The following ZNF532 variants were observed in gnomAD, a reference collection of about 807,000 sequenced individuals.
The protein encoded by ZNF532 is zinc finger protein 532.
In ZNF532, 22 loss-of-function variants were observed where a neutral mutation model predicts 89.3. The observed-to-expected ratio is 0.25, with a 90% confidence interval of 0.18 to 0.35. The LOEUF is 0.35. Ranked by LOEUF, ZNF532 falls within the 10% of genes least tolerant of loss-of-function variation. ZNF532 has a pLI of 1.00. For synonymous variants in ZNF532, 606 were observed against 649.6 expected, an observed-to-expected ratio of 0.93 and a Z score of 1.02; for missense variants, 1,132 against 1,643.4, an observed-to-expected ratio of 0.69 and a Z score of 5.38.
chr18:58,934,885 TTTGACTGTACCC>T (rs1450331543), intron 4 of ZNF532, among the ~76,000 whole-genome samples: 1 of 152,160 alleles, frequency 6.6e-6, no homozygotes, highest in Non-Finnish European at 1.5e-5. Context: ...GACTGTCAGC[TTTGACTGTACCC>T]TTTGTAGCAG....
chr18:58,962,167 G>A (rs910472958), intron 7 of ZNF532, among the ~76,000 whole-genome samples: 3 of 151,862 alleles, frequency 2.0e-5, no homozygotes, highest in East Asian at 1.9e-4. Context: ...TGAAGGTTGC[G>A]GTGAGCCGAG....
rs1356153650 is a variant in ZNF532, at chr18:58,984,945, AAC to A, written c.*482_*483del. Reference sequence around the variant, plus strand: ...ATTGTAAGTAATTGTGGGTCTCAAAAACACTAGGAACTTTTAAGTGTCTTAGC... The same window carrying A: ...ATTGTAAGTAATTGTGGGTCTCAAAAACTAGGAACTTTTAAGTGTCTTAGC... On this transcript the variant is annotated 3_prime_UTR_variant, in exon 10 of 10. Coordinates refer to ENST00000591808, the MANE Select transcript of ZNF532 (RefSeq NM_001375912.1). The A allele has an allele frequency of 9.9e-5, 16 of 161,026 alleles. No individual in the cohort carries two copies. Among genetic ancestry groups the A allele is most frequent in the African/African-American group, 3.4e-4 (14 of 41,482 alleles). The allele number at this position is 161,026 out of a possible 1,614,324, so 10.0% of individuals were successfully genotyped here.
In ZNF532 at chr18:58,891,285, T is replaced by A. The variant is rs540510618; in HGVS notation, c.-18+25706T>A. The stretch of plus-strand genomic sequence containing the variant: ...TGGCTCACGCCTGTAATCCCAGCAC[T>A]TTCGGAGGCTGAGGTGGGTAGATCA... On this transcript the variant is annotated intron_variant, in intron 2 of 9. Coordinates refer to ENST00000591808, the MANE Select transcript of ZNF532 (RefSeq NM_001375912.1). Among the ~76,000 whole-genome samples the A allele has an allele frequency of 1.7e-4, 26 of 152,154 alleles. 1 individual carries two copies. Among genetic ancestry groups the A allele is most frequent in the Admixed American group, 1.4e-3 (21 of 15,294 alleles).
chr18:58,876,619 C>T (rs1483201704), intron 2 of ZNF532, among the ~76,000 whole-genome samples: 1 of 152,204 alleles, frequency 6.6e-6, no homozygotes, highest in African/African-American at 2.4e-5. Flanking sequence ...TTCTGCATTA[C>T]TCCACCTTTG....
At chr18:58,934,697 T>C in intron 4 of ZNF532, 83 bp downstream of exon 4, 1 of 1,384,058 alleles carries the variant, frequency 7.2e-7, no homozygotes, top group East Asian at 2.3e-5. Flanking sequence ...CACACACAGT[T>C]TTCTGGGTCA....
chr18:58,939,381 G>A, intron 4 of ZNF532, 64 bp from the exon 5 acceptor site: 2 of 1,440,118 alleles, frequency 1.4e-6, no homozygotes, highest in East Asian at 2.4e-5. Flanking sequence ...ATCTCACCCA[G>A]TTTTTGCAGT....
chr18:58,984,402 C>A lies in ZNF532; in HGVS notation c.3842C>A (p.Thr1281Asn). 6.2e-7 allele frequency: 1 copy of A among 1,612,024 alleles called. No homozygotes were observed. Among genetic ancestry groups the A allele is most frequent in the South Asian group, 1.1e-5 (1 of 90,988 alleles). Residue 1281 changes from threonine (T) to asparagine (N), a missense_variant, in exon 10 of 10, where the codon ACT becomes AAT. Physicochemically the swap from Thr to Asn is moderately conservative, Grantham distance 65. Transcript: ENST00000591808. ...KTFETEAALN[T>N]HMRTHGMAFI... ...TTTGAAACTGAAGCTGCCTTAAATA[C>A]TCACATGCGGACACACGGCATGGCC...
intron 2 of ZNF532, among the ~76,000 whole-genome samples, chr18:58,868,114 G>A (rs940514599): frequency 6.6e-6 from 1 of 152,120 alleles, no homozygotes; most frequent in Non-Finnish European, 1.5e-5. Flanking sequence ...AACCTTTACC[G>A]TATCCTTGGT....
intron 9 of ZNF532, 129 bp from the exon 10 acceptor site, chr18:58,983,843 T>TA (rs2068132357): frequency 8.3e-7 from 1 of 1,198,812 alleles, no homozygotes. Flanking sequence ...GACACAGCTT[T>TA]AAAGCCCCTA....
chr18:58,936,027 T>C (rs1439304771), intron 4 of ZNF532, among the ~76,000 whole-genome samples: 2 of 152,210 alleles, frequency 1.3e-5, no homozygotes, highest in African/African-American at 4.8e-5. Context: ...GCCTCCAAAC[T>C]TGTAATGCAC....
At chr18:58,941,884 T>TCTTCCTTCCTTTTCCTTCCTTC (rs2063077068) in intron 5 of ZNF532, among the ~76,000 whole-genome samples, 5 of 142,132 alleles carry the variant, frequency 3.5e-5, no homozygotes, top group Admixed American at 3.4e-4. Context: ...TTTCCATCTT[T>TCTTCCTTCCTTTTCCTTCCTTC]CTTCCTTCCT....
chr18:58,960,042 G>A (rs1436959459), intron 7 of ZNF532, among the ~76,000 whole-genome samples: 1 of 152,092 alleles, frequency 6.6e-6, no homozygotes, highest in Non-Finnish European at 1.5e-5. Flanking sequence ...AGGTTCAAGC[G>A]ATTCTCCTGC....
chr18:58,887,694 CG>C (rs2058399268), intron 2 of ZNF532, among the ~76,000 whole-genome samples: 1 of 152,118 alleles, frequency 6.6e-6, no homozygotes, highest in African/African-American at 2.4e-5. Context: ...AGAACCCCCA[CG>C]CTCACAGGAG....
intron 2 of ZNF532, among the ~76,000 whole-genome samples, chr18:58,885,057 C>T (rs777471301): frequency 4.7e-5 from 7 of 150,116 alleles, no homozygotes; most frequent in Middle Eastern, 3.4e-3. Context: ...GGCATGATCA[C>T]GGCTCACCGC....
At chr18:58,944,172 T>C (rs1164536255) in intron 5 of ZNF532, among the ~76,000 whole-genome samples, 1 of 152,196 alleles carries the variant, frequency 6.6e-6, no homozygotes, top group East Asian at 1.9e-4. Context: ...TTGGATTCAG[T>C]TGATGGTAAT....
chr18:58,869,772 T>TG (rs2056816672), intron 2 of ZNF532, among the ~76,000 whole-genome samples: 1 of 149,712 alleles, frequency 6.7e-6, no homozygotes. Flanking sequence ...GTTTTTTTTT[T>TG]TTTTTTTTTT....
chr18:58,980,505 T>C (rs770978688), intron 8 of ZNF532: 2 of 152,158 alleles, frequency 1.3e-5, no homozygotes, highest in Non-Finnish European at 2.9e-5. Flanking sequence ...GTCATCAGGG[T>C]TTAGGGCCAA....
chr18:58,874,136 T>C (rs770785720), intron 2 of ZNF532, among the ~76,000 whole-genome samples: 7 of 152,162 alleles, frequency 4.6e-5, no homozygotes, highest in Non-Finnish European at 7.4e-5. Context: ...TGTCCTGCCT[T>C]ACCTCATTGG....
chr18:58,971,352 G>A (rs1052030171), intron 7 of ZNF532, among the ~76,000 whole-genome samples: 4 of 152,146 alleles, frequency 2.6e-5, no homozygotes, highest in African/African-American at 9.7e-5. Flanking sequence ...CATAAATTTG[G>A]TTCTGAATGA....
Sources: allele counts gnomAD v4.1 joint callset (sites outside exome capture counted in the v4.1 genomes callset), GRCh38; gene constraint gnomAD v4.1.1; transcripts MANE v1.5; gene names NCBI Gene and HGNC (gene_info 2026-07-23, HGNC 2026-07-21).